The following RAPH1 variants were observed in gnomAD, a reference collection of about 807,000 sequenced individuals.
The protein encoded by RAPH1 is ras-associated and pleckstrin homology domains-containing protein 1.
RAPH1 carries 18 observed loss-of-function variants against 88.1 expected under a neutral mutation model. The ratio of observed to expected loss-of-function variants is 0.20; its 90% CI spans 0.14 to 0.30. The LOEUF is 0.30. RAPH1 is among the 10% of genes least tolerant of loss of function. The pLI is 1.00. For synonymous variants in RAPH1, 587 were observed against 559.0 expected (o/e 1.05, Z -0.71); for missense variants, 1,448 against 1,543.2 (o/e 0.94, Z 1.03).
At position 203,439,491 on chromosome 2, in the gene RAPH1, G is replaced by T; in HGVS notation, c.3699C>A (p.Pro1233=). 6.2e-7 allele frequency: 1 copy of T among 1,613,826 alleles called. No homozygotes were observed. The highest frequency in any genetic ancestry group is 8.5e-7 in the Non-Finnish European group (1 of 1,179,976). Residue 1233 remains proline (P), a synonymous_variant, in exon 14 of 14, where the codon CCC becomes CCA. Coordinates refer to ENST00000319170, the MANE Select transcript of RAPH1 (RefSeq NM_213589.3). ...ISGYATLRRG[P]PPAPPKRDQN... ...GGTCTCTTTTGGGGGGAGCAGGAGG[G>T]GGTCCTCTCCGCAACGTTGCATAGC...
At chr2:203,472,681 A>G (rs1381209467) in intron 4 of RAPH1, among the ~76,000 whole-genome samples, 1 of 152,224 alleles carries the variant, frequency 6.6e-6, no homozygotes, top group African/African-American at 2.4e-5. Context: ...GATTATCTAT[A>G]TTCAGATCAT....
chr2:203,515,473 C>T (rs1196157028), intron 1 of RAPH1, among the ~76,000 whole-genome samples: 2 of 152,320 alleles, frequency 1.3e-5, no homozygotes, highest in African/African-American at 2.4e-5. Flanking sequence ...CCACAATATG[C>T]TAAAATGACA....
chr2:203,445,070 T>C, intron 12 of RAPH1, 60 bp from the exon 13 acceptor site: 4 of 1,467,886 alleles, frequency 2.7e-6, no homozygotes, highest in Non-Finnish European at 3.8e-6. Flanking sequence ...ACAATATTCA[T>C]ATGTATGTCT....
intron 1 of RAPH1, among the ~76,000 whole-genome samples, chr2:203,514,308 A>G (rs902558807): frequency 6.6e-6 from 1 of 152,244 alleles, no homozygotes; most frequent in Non-Finnish European, 1.5e-5. Context: ...TCAGGAGTTT[A>G]GAAATTGTCT....
At position 203,441,346 on chromosome 2, in the gene RAPH1, A is replaced by G; in HGVS notation, c.1844T>C (p.Ile615Thr). The G allele has an allele frequency of 6.3e-7, 1 of 1,577,514 alleles. No individual in the cohort carries two copies. Among genetic ancestry groups the G allele is most frequent in the Non-Finnish European group, 8.6e-7 (1 of 1,163,612 alleles). ...LVPPLSPQPK[I>T]VTPYTASQPS... ...CTGTGAAGCAGTGTAGGGGGTGACT[A>G]TCTTAGGTTGCGGGGATAAAGGGGG... The change falls in exon 14 of 14, where the codon ATA (isoleucine) becomes ACA (threonine). Residue 615 changes from isoleucine (I) to threonine (T), a missense_variant. Physicochemically the swap from Ile to Thr is moderately conservative, Grantham distance 89. This residue lies in a region of RAPH1 where 935 missense variants were observed against 890.1 expected (regional missense o/e 1.05). Coordinates refer to ENST00000319170, the MANE Select transcript of RAPH1 (RefSeq NM_213589.3).
intron 2 of RAPH1, among the ~76,000 whole-genome samples, chr2:203,493,161 T>A (rs1688349600): frequency 6.6e-6 from 1 of 152,182 alleles, no homozygotes; most frequent in Admixed American, 6.6e-5. Flanking sequence ...AGTTTTAATC[T>A]TTTTTTCTCT....
Position 203,440,822 on chromosome 2 carries a change from T to G in RAPH1, c.2368A>C (p.Ser790Arg). 7.5e-7 allele frequency: 1 copy of G among 1,329,864 alleles called. No homozygotes were observed. Among genetic ancestry groups the G allele is most frequent in the Non-Finnish European group, 9.9e-7 (1 of 1,011,266 alleles). The allele number at this position is 1,329,864 out of a possible 1,614,324, so 82.4% of individuals were successfully genotyped here. A position where few individuals can be genotyped will look rare whatever the true frequency, so the allele number is the denominator to read the frequency against. ...ACAACAGGTGCCACAGTCTTGGTGC[T>G]GGTTGGTGCGGGGATGGTCACAAGG... ...KPLVTIPAPT[S>R]TKTVAPVVTQ... Residue 790 changes from serine to arginine, a missense_variant, in exon 14 of 14, where the codon AGC becomes CGC. Coordinates refer to ENST00000319170, the MANE Select transcript of RAPH1 (RefSeq NM_213589.3).
chr2:203,458,706 T>C (rs2098521827), intron 7 of RAPH1, among the ~76,000 whole-genome samples: 1 of 152,186 alleles, frequency 6.6e-6, no homozygotes, highest in Non-Finnish European at 1.5e-5. Context: ...TCTGCAGTTG[T>C]GCAAATCCAC....
At chr2:203,529,772 G>C (rs1445112426) in intron 1 of RAPH1, among the ~76,000 whole-genome samples, 2 of 152,126 alleles carry the variant, frequency 1.3e-5, no homozygotes, top group African/African-American at 4.8e-5. Context: ...CTTCACCATG[G>C]GGCTTAAATT....
intron 4 of RAPH1, among the ~76,000 whole-genome samples, chr2:203,465,894 C>T (rs1198518647): frequency 6.6e-6 from 1 of 151,938 alleles, no homozygotes; most frequent in Non-Finnish European, 1.5e-5. Flanking sequence ...AAAAAGTTGA[C>T]ACAACGGACA....
At chr2:203,502,430 G>A (rs1475208626) in intron 1 of RAPH1, among the ~76,000 whole-genome samples, 1 of 152,110 alleles carries the variant, frequency 6.6e-6, no homozygotes, top group African/African-American at 2.4e-5. Flanking sequence ...AGTAATTTAA[G>A]ATCACATAAT....
rs1162861092 is a variant in RAPH1, at chr2:203,434,689, T to C, written c.*4748A>G. On this transcript the variant is annotated 3_prime_UTR_variant, in exon 14 of 14. Transcript: ENST00000319170. ...AATATAAGGGTTTCTCCCCCTTTAG[T>C]GCTGCAGACAAGTTTTACTGCCTAA... The C allele has an allele frequency of 5.2e-5, 8 of 152,468 alleles. No individual in the cohort carries two copies. Among genetic ancestry groups the C allele is most frequent in the Admixed American group, 4.6e-4 (7 of 15,288 alleles). The allele number at this position is 152,468 out of a possible 1,614,324, so 9.4% of individuals were successfully genotyped here. A position where few individuals can be genotyped will look rare whatever the true frequency, so the allele number is the denominator to read the frequency against.
intron 1 of RAPH1, among the ~76,000 whole-genome samples, chr2:203,505,157 C>T: frequency 6.6e-6 from 1 of 152,168 alleles, no homozygotes; most frequent in Middle Eastern, 3.2e-3. Flanking sequence ...AGCAACGCCA[C>T]ACTCTACTGG....
rs2098500448 is a variant in RAPH1 at position 203,438,680 on chromosome 2, C to T, written c.*757G>A. On this transcript the variant is annotated 3_prime_UTR_variant, in exon 14 of 14. Coordinates refer to ENST00000319170, the MANE Select transcript of RAPH1 (RefSeq NM_213589.3). The stretch of plus-strand genomic sequence containing the variant: ...TAGGCAAAGAGCTTATCTGTCAGCA[C>T]ATCCTAAATGTGGGTGGATCACTGC... The T allele has an allele frequency of 6.2e-6, 1 of 160,382 alleles. No homozygotes were observed. Among genetic ancestry groups the T allele is most frequent in the African/African-American group, 2.4e-5 (1 of 41,632 alleles). The allele number at this position is 160,382 out of a possible 1,614,324, so 9.9% of individuals were successfully genotyped here.
chr2:203,522,895 C>CAAA (rs59862473), intron 1 of RAPH1, among the ~76,000 whole-genome samples: 11 of 85,818 alleles, frequency 1.3e-4, no homozygotes, highest in South Asian at 3.9e-4. Flanking sequence ...GACTCTGTCT[C>CAAA]AAAAAAAAAA....
intron 12 of RAPH1, 89 bp downstream of exon 12, chr2:203,447,870 A>C: frequency 1.4e-6 from 2 of 1,381,748 alleles, no homozygotes; most frequent in Non-Finnish European, 2.0e-6. Flanking sequence ...GTTTTTAAGA[A>C]TCAAGTTGAA....
intron 1 of RAPH1, among the ~76,000 whole-genome samples, chr2:203,521,412 CAGA>C (rs1689862637): frequency 6.6e-6 from 1 of 151,984 alleles, no homozygotes; most frequent in Non-Finnish European, 1.5e-5. Flanking sequence ...TTCAAAAGCA[CAGA>C]AGAATATTAA....
chr2:203,513,197 T>C (rs1020921812), intron 1 of RAPH1, among the ~76,000 whole-genome samples: 5 of 145,758 alleles, frequency 3.4e-5, no homozygotes, highest in African/African-American at 1.4e-4. Context: ...ACTTTCTTAA[T>C]CTGCAGAAAA....
At chr2:203,526,273 C>T (rs896211074) in intron 1 of RAPH1, among the ~76,000 whole-genome samples, 15 of 152,010 alleles carry the variant, frequency 9.9e-5, no homozygotes, top group African/African-American at 3.6e-4. Flanking sequence ...TAGGTATATA[C>T]ATTTATGGGG....
Sources: allele counts gnomAD v4.1 joint callset (sites outside exome capture counted in the v4.1 genomes callset), GRCh38; gene constraint gnomAD v4.1.1; regional missense constraint gnomAD v4.1.1; transcripts MANE v1.5; gene names NCBI Gene and HGNC (gene_info 2026-07-23, HGNC 2026-07-21).